LDLRAD4: variants seen among roughly 807,000 people sequenced by gnomAD.
LDLRAD4 encodes low-density lipoprotein receptor class A domain-containing protein 4.
In LDLRAD4, 5 loss-of-function variants were observed where a neutral mutation model predicts 17.0. The observed-to-expected ratio is 0.29, with a 90% CI of 0.15 to 0.62. The LOEUF (loss-of-function observed/expected upper bound fraction) is 0.62. Ranked by LOEUF, LDLRAD4 falls within the 20% of genes least tolerant of loss-of-function variation. The pLI is 0.84. For synonymous variants in LDLRAD4, 168 were observed against 171.8 expected, an observed-to-expected ratio of 0.98 and a Z score of 0.17; for missense variants, 340 against 424.7, an observed-to-expected ratio of 0.80 and a Z score of 1.75.
Position 13,389,874 on chromosome 18 carries a change from C to T in LDLRAD4, c.40+2112C>T, listed in dbSNP as rs1003437315. On this transcript the variant is annotated intron_variant, in intron 2 of 5. Transcript: ENST00000359446. ...TTCTTGCAGATAGGACAGTACCTCTCACATATTAAGCCAAGGTATATGTCA... is the reference window on the plus strand; with the variant it reads ...TTCTTGCAGATAGGACAGTACCTCTTACATATTAAGCCAAGGTATATGTCA... Among the ~76,000 whole-genome samples the T allele has an allele frequency of 1.2e-3, 190 of 152,340 alleles. 1 individual carries two copies. The highest frequency in any genetic ancestry group is 4.4e-3 in the African/African-American group (182 of 41,578).
chr18:13,331,431 AAAAG>A (rs2081860958), intron 1 of LDLRAD4, among the ~76,000 whole-genome samples: 1 of 152,358 alleles, frequency 6.6e-6, no homozygotes, highest in African/African-American at 2.4e-5. Context: ...TGTTAAAAGA[AAAAG>A]AAAGAAAAAG....
chr18:13,478,722 A>G (rs35648237), intron 3 of LDLRAD4, among the ~76,000 whole-genome samples: 13,477 of 152,316 alleles, frequency 0.088, 652 homozygotes, highest in South Asian at 0.15. Flanking sequence ...AATGGATTCA[A>G]TGCACTCCTC....
intron 3 of LDLRAD4, among the ~76,000 whole-genome samples, chr18:13,574,695 C>G (rs1476598762): frequency 6.6e-6 from 1 of 152,182 alleles, no homozygotes; most frequent in Non-Finnish European, 1.5e-5. Context: ...CGAAATGCCT[C>G]AATTTAGGAG....
intron 3 of LDLRAD4, among the ~76,000 whole-genome samples, chr18:13,500,302 C>CCCTCCTCTGGAGCG (rs2093591103): frequency 6.6e-6 from 1 of 152,254 alleles, no homozygotes. Context: ...CTCTCAAAGT[C>CCCTCCTCTGGAGCG]CCTCCTCTGG....
At position 13,603,535 on chromosome 18, in the gene LDLRAD4, T is replaced by C. The variant is rs186241723; in HGVS notation, c.182-17582T>C. 7.2e-5 allele frequency among the ~76,000 whole-genome samples: 11 copies of C among 152,384 alleles called. No homozygotes were observed. In the East Asian group the frequency reaches 1.9e-3, roughly 27 times the overall value. ...ATTACTTAACCTTTCTGTGCCTCTA[T>C]TCTCTCACCTGTGAGATTGGGATAA... On this transcript the variant is annotated intron_variant, in intron 3 of 5. Coordinates refer to ENST00000359446, the Ensembl canonical transcript of LDLRAD4.
rs187046277 is a variant in LDLRAD4, at chr18:13,328,853, G to A, written c.-383+50665G>A. 1.5e-3 allele frequency among the ~76,000 whole-genome samples: 226 copies of A among 152,022 alleles called. 1 individual carries two copies. Among genetic ancestry groups the A allele is most frequent in the African/African-American group, 5.4e-3 (222 of 41,460 alleles). Reference sequence around the variant, plus strand: ...TAGTTGTTTTTATTATTTTCTTGTGGACACATTCCAAAATTTTAAGCATAT... The same window carrying A: ...TAGTTGTTTTTATTATTTTCTTGTGAACACATTCCAAAATTTTAAGCATAT... On this transcript the variant is annotated intron_variant, in intron 1 of 5. Transcript: ENST00000359446.
At chr18:13,419,555 C>T (rs2089255439) in intron 2 of LDLRAD4, 1 of 152,136 alleles carries the variant, frequency 6.6e-6, no homozygotes, top group African/African-American at 2.4e-5. Flanking sequence ...AAAATATCCA[C>T]ACAAATAGAG....
chr18:13,580,418 G>A (rs2148439098), intron 3 of LDLRAD4, among the ~76,000 whole-genome samples: 1 of 152,382 alleles, frequency 6.6e-6, no homozygotes, highest in South Asian at 2.1e-4. Context: ...TCAGGTGGCA[G>A]CACTGTCTCT....
upstream of LDLRAD4, chr18:13,218,713 G>C (rs1598712310): frequency 6.6e-6 from 1 of 152,448 alleles, no homozygotes; most frequent in East Asian, 1.9e-4. Flanking sequence ...CGTTGACGTC[G>C]GTCGCGGGAC....
At chr18:13,417,995 G>T (rs1158441423) in intron 2 of LDLRAD4, among the ~76,000 whole-genome samples, 1 of 152,214 alleles carries the variant, frequency 6.6e-6, no homozygotes, top group East Asian at 1.9e-4. Context: ...CCGGAGGTGG[G>T]AGGCTTCCCC....
intron 1 of LDLRAD4, among the ~76,000 whole-genome samples, chr18:13,321,290 C>A (rs114588842): frequency 6.6e-6 from 1 of 152,182 alleles, no homozygotes; most frequent in Non-Finnish European, 1.5e-5. Context: ...TCCTCCTGAA[C>A]ATTATGAGTC....
At chr18:13,564,407 C>CG (rs2094572664) in intron 3 of LDLRAD4, among the ~76,000 whole-genome samples, 1 of 151,146 alleles carries the variant, frequency 6.6e-6, no homozygotes, top group Non-Finnish European at 1.5e-5. Context: ...TGAAGCCATC[C>CG]CCAGCGCTCG....
rs200544112 is a variant in LDLRAD4 at position 13,426,967 on chromosome 18, C to T, written c.41-11277C>T. 7.2e-5 allele frequency among the ~76,000 whole-genome samples: 11 copies of T among 152,192 alleles called. No individual in the cohort carries two copies. The East Asian group carries it at 1.7e-3, about 24-fold the overall frequency. On this transcript the variant is annotated intron_variant, in intron 2 of 5. Transcript: ENST00000359446. ...TTGGGAGGCTGAGGCGGGCGGATCACGAAGTTAGCAGATTGAGACCATCCT... is the reference window on the plus strand; with the variant it reads ...TTGGGAGGCTGAGGCGGGCGGATCATGAAGTTAGCAGATTGAGACCATCCT...
rs995619994 is a variant in LDLRAD4, at chr18:13,256,278, G to C, written c.-466-21827G>C. ...ATCTAAAAGCATCCTCCTGCCATTTGAGGTGAGTCCTCTCCATGTTGGGAG... is the reference window on the plus strand; with the variant it reads ...ATCTAAAAGCATCCTCCTGCCATTTCAGGTGAGTCCTCTCCATGTTGGGAG... On this transcript the variant is annotated intron_variant, in intron 1 of 5. Coordinates refer to the LDLRAD4 transcript ENST00000399848. Among the ~76,000 whole-genome samples, 3 of 152,196 alleles carry C rather than the reference G, an allele frequency of 2.0e-5. No individual in the cohort carries two copies. In the South Asian group the frequency reaches 6.2e-4, roughly 32 times the overall value.
rs78047841 is a variant in LDLRAD4 at position 13,383,750 on chromosome 18, C to T, written c.-382-3591C>T. 1.6e-4 allele frequency among the ~76,000 whole-genome samples: 24 copies of T among 152,210 alleles called. No homozygotes were observed. In the East Asian group the frequency reaches 3.9e-3, roughly 24 times the overall value. ...CTCTGGGTCCTGATCACCCACCCTG[C>T]GCTGCCTGTTGGTCACCTGACACAC... On this transcript the variant is annotated intron_variant, in intron 1 of 5. Transcript: ENST00000359446.
chr18:13,219,134 C>T (rs1003862325), intron 1 of LDLRAD4, 146 bp downstream of exon 1: 6 of 149,004 alleles, frequency 4.0e-5, no homozygotes, highest in African/African-American at 1.2e-4. Flanking sequence ...GTTTTCAGGA[C>T]GACAGGGACG....
intron 1 of LDLRAD4, among the ~76,000 whole-genome samples, chr18:13,324,423 T>A (rs1342764475): frequency 6.6e-6 from 1 of 152,160 alleles, no homozygotes; most frequent in East Asian, 1.9e-4. Context: ...ATTACAGGCA[T>A]GAGCCACCGC....
chr18:13,550,105 G>T (rs1357017838), intron 3 of LDLRAD4, among the ~76,000 whole-genome samples: 1 of 152,144 alleles, frequency 6.6e-6, no homozygotes, highest in East Asian at 1.9e-4. Context: ...GTCTACAAGG[G>T]GGCAATGGGC....
chr18:13,465,403 T>A (rs1278486091), intron 3 of LDLRAD4, among the ~76,000 whole-genome samples: 1 of 152,226 alleles, frequency 6.6e-6, no homozygotes, highest in Non-Finnish European at 1.5e-5. Flanking sequence ...AAGGCTCATA[T>A]CATGTCAGGA....
Sources: allele counts gnomAD v4.1 joint callset (sites outside exome capture counted in the v4.1 genomes callset), GRCh38; gene constraint gnomAD v4.1.1; transcripts MANE v1.5; gene names NCBI Gene and HGNC (gene_info 2026-07-23, HGNC 2026-07-21).